PVT1: variants seen among roughly 807,000 people sequenced by gnomAD.
The protein encoded by PVT1 is CXCR4/PVT1 fusion.
At chr8:127,933,141 TCTCGG>T (rs1395716702) in intron 3 of PVT1, among the ~76,000 whole-genome samples, 2 of 152,222 alleles carry the variant, frequency 1.3e-5, no homozygotes, top group Non-Finnish European at 1.5e-5. Flanking sequence ...AATGGCACGA[TCTCGG>T]CTCACTGCAA....
intron 3 of PVT1, among the ~76,000 whole-genome samples, chr8:127,969,811 G>A (rs1816743218): frequency 6.6e-6 from 1 of 152,130 alleles, no homozygotes; most frequent in Non-Finnish European, 1.5e-5. Context: ...GGTCTACACA[G>A]TTTACCAGTG....
At chr8:128,063,581 A>G (rs1813859797) in intron 4 of PVT1, among the ~76,000 whole-genome samples, 1 of 152,182 alleles carries the variant, frequency 6.6e-6, no homozygotes, top group Non-Finnish European at 1.5e-5. Context: ...TATGTACACA[A>G]GCAATTTTTG....
intron 2 of PVT1, among the ~76,000 whole-genome samples, chr8:127,844,836 C>A (rs1159280623): frequency 2.0e-5 from 3 of 152,186 alleles, no homozygotes; most frequent in African/African-American, 4.8e-5. Context: ...GCCTCAGCCT[C>A]CCGAGTAGCT....
At chr8:127,923,804 G>A (rs914297954) in intron 3 of PVT1, among the ~76,000 whole-genome samples, 1 of 152,220 alleles carries the variant, frequency 6.6e-6, no homozygotes, top group East Asian at 1.9e-4. Flanking sequence ...GAGAGAAGGC[G>A]AGGGCCAGAG....
At chr8:127,933,368 C>A (rs1200668678) in intron 3 of PVT1, among the ~76,000 whole-genome samples, 5 of 152,182 alleles carry the variant, frequency 3.3e-5, no homozygotes, top group South Asian at 2.1e-4. Context: ...AGCCATTGTG[C>A]CTGGCCAGTA....
chr8:128,010,612 C>G (rs1316716265), intron 4 of PVT1: 3 of 152,200 alleles, frequency 2.0e-5, no homozygotes, highest in Non-Finnish European at 4.4e-5. Flanking sequence ...GCGCAAAGCT[C>G]ATGGCTTTCT....
chr8:128,056,679 G>A (rs1045477768), intron 4 of PVT1, among the ~76,000 whole-genome samples: 4 of 152,138 alleles, frequency 2.6e-5, no homozygotes, highest in African/African-American at 4.8e-5. Flanking sequence ...CCCTTGGGAC[G>A]CATCAGAAGT....
At chr8:128,004,808 G>A (rs1485291126) in intron 4 of PVT1, among the ~76,000 whole-genome samples, 1 of 152,108 alleles carries the variant, frequency 6.6e-6, no homozygotes, top group Non-Finnish European at 1.5e-5. Context: ...TCTCTATGTT[G>A]TTGCGAAGTC....
At chr8:127,878,789 C>A (rs1815432917) in intron 2 of PVT1, among the ~76,000 whole-genome samples, 1 of 152,218 alleles carries the variant, frequency 6.6e-6, no homozygotes, top group Admixed American at 6.5e-5. Flanking sequence ...CCCACAGCCT[C>A]CCTGGATGCT....
At chr8:128,006,129 AT>A (rs1347833058) in intron 4 of PVT1, among the ~76,000 whole-genome samples, 13 of 138,386 alleles carry the variant, frequency 9.4e-5, no homozygotes, top group African/African-American at 1.6e-4. Context: ...AATAATAATA[AT>A]AATAATAATA....
chr8:127,969,808 A>C (rs1375732457), intron 3 of PVT1, among the ~76,000 whole-genome samples: 1 of 152,150 alleles, frequency 6.6e-6, no homozygotes, highest in Non-Finnish European at 1.5e-5. Flanking sequence ...TAAGGTCTAC[A>C]CAGTTTACCA....
At chr8:127,937,714 A>G (rs1237670655) in intron 3 of PVT1, among the ~76,000 whole-genome samples, 1 of 152,084 alleles carries the variant, frequency 6.6e-6, no homozygotes, top group Non-Finnish European at 1.5e-5. Context: ...CAGCATATAG[A>G]TTATGCTTTC....
intron 2 of PVT1, among the ~76,000 whole-genome samples, chr8:127,886,592 C>T (rs116787216): frequency 5.9e-4 from 90 of 151,778 alleles, no homozygotes; most frequent in Middle Eastern, 6.8e-3. Context: ...TTCAGTCTGC[C>T]GTTAAATGGA....
At chr8:127,939,808 G>C (rs569278376) in intron 3 of PVT1, 1 of 152,340 alleles carries the variant, frequency 6.6e-6, no homozygotes, top group East Asian at 1.9e-4. Context: ...GACCAAAGCA[G>C]ATCTTTTCCT....
At chr8:127,914,777 T>C (rs1271356297) in intron 3 of PVT1, among the ~76,000 whole-genome samples, 1 of 151,422 alleles carries the variant, frequency 6.6e-6, no homozygotes, top group Non-Finnish European at 1.5e-5. Context: ...CTGGGGGCCA[T>C]GGGGAGTAGC....
chr8:127,957,697 C>T (rs762238552), intron 3 of PVT1, among the ~76,000 whole-genome samples: 10 of 152,196 alleles, frequency 6.6e-5, no homozygotes, highest in African/African-American at 2.4e-4. Context: ...CCAAACAGCT[C>T]GTTCCTCTTC....
intron 4 of PVT1, among the ~76,000 whole-genome samples, chr8:128,044,858 C>G (rs921717716): frequency 1.3e-5 from 2 of 152,178 alleles, no homozygotes; most frequent in Non-Finnish European, 2.9e-5. Flanking sequence ...TTTGTCCCTC[C>G]TGAGGGTGCG....
chr8:128,005,378 C>A (rs1817234063), intron 4 of PVT1, among the ~76,000 whole-genome samples: 1 of 152,328 alleles, frequency 6.6e-6, no homozygotes, highest in Non-Finnish European at 1.5e-5. Context: ...CTGTCTTAGA[C>A]TTTTAAGGAG....
intron 6 of PVT1, among the ~76,000 whole-genome samples, chr8:128,098,923 T>C (rs925223950): frequency 3.9e-5 from 6 of 152,212 alleles, no homozygotes; most frequent in African/African-American, 9.6e-5. Context: ...CATGGGATCA[T>C]TGCTTGCTAA....
Sources: gnomAD v4.1 joint callset for allele counts (sites outside exome capture counted in the v4.1 genomes callset) on GRCh38, gnomAD v4.1.1 for gene constraint, MANE v1.5 for transcripts, NCBI Gene and HGNC (gene_info 2026-07-23, HGNC 2026-07-21) for gene names.